Variants in FRS2 observed in about 807,000 individuals in gnomAD.
The protein encoded by FRS2 is FGFR signalling adaptor.
In FRS2, 8 loss-of-function variants were observed where a neutral mutation model predicts 43.9. That is an observed-to-expected ratio of 0.18 (90% CI 0.11 to 0.33). The LOEUF (loss-of-function observed/expected upper bound fraction) is 0.33, where lower values mean the gene tolerates loss of function less well. Among genes scored for constraint, FRS2 ranks in the 10% least tolerant of loss-of-function variants. The pLI is 1.00. For synonymous variants in FRS2, 219 were observed against 220.3 expected, an observed-to-expected ratio of 0.99 and a Z score of 0.05; for missense variants, 534 against 627.6, an observed-to-expected ratio of 0.85 and a Z score of 1.59.
intron 1 of FRS2, among the ~76,000 whole-genome samples, chr12:69,479,801 C>A (rs1055922796): frequency 3.3e-5 from 5 of 152,084 alleles, no homozygotes; most frequent in African/African-American, 1.2e-4. Context: ...ATTTATCGTG[C>A]TTGGTATTAA....
At chr12:69,531,933 CTG>C (rs1266683714) in intron 2 of FRS2, 79 bp from the exon 3 acceptor site, 2 of 152,714 alleles carry the variant, frequency 1.3e-5, no homozygotes, top group Middle Eastern at 3.4e-3. Context: ...TGAATGTACT[CTG>C]TTAGCATTTT....
chr12:69,536,115 T>TCA (rs1565755131), intron 3 of FRS2, among the ~76,000 whole-genome samples: 4 of 51,296 alleles, frequency 7.8e-5, no homozygotes, highest in African/African-American at 1.6e-4. Context: ...TTTTTTTTTT[T>TCA]TTTTTTTTTT....
Position 69,575,257 on chromosome 12 carries a change from G to A in FRS2, c.*302G>A, listed in dbSNP as rs1230587898. The A allele has an allele frequency of 6.1e-5, 19 of 309,208 alleles. No homozygotes were observed. The East Asian group carries it at 9.3e-4, about 15-fold the overall frequency. The allele number at this position is 309,208 out of a possible 1,614,324, so 19.2% of individuals were successfully genotyped here. On this transcript the variant is annotated 3_prime_UTR_variant, in exon 9 of 9. Coordinates refer to ENST00000549921, the MANE Select transcript of FRS2 (RefSeq NM_001278356.2). Reference sequence around the variant, plus strand: ...TTTTTATCAATATTCTGGACTTAACGCATACCTTTCATGTCTAAGTCATGG... The same window carrying A: ...TTTTTATCAATATTCTGGACTTAACACATACCTTTCATGTCTAAGTCATGG...
chr12:69,470,989 T>C (rs531444366), intron 1 of FRS2, among the ~76,000 whole-genome samples: 1 of 152,086 alleles, frequency 6.6e-6, no homozygotes, highest in Non-Finnish European at 1.5e-5. Flanking sequence ...GGGTGTCGTC[T>C]TTTCCCTCCA....
chr12:69,533,786 C>T (rs570463081), intron 3 of FRS2, among the ~76,000 whole-genome samples: 152 of 152,234 alleles, frequency 1.0e-3, no homozygotes, highest in African/African-American at 3.4e-3. Context: ...ATCCCCTCCC[C>T]GCCAAATTAT....
intron 3 of FRS2, among the ~76,000 whole-genome samples, chr12:69,555,487 TTTG>T (rs1206426494): frequency 6.6e-6 from 1 of 152,228 alleles, no homozygotes; most frequent in Non-Finnish European, 1.5e-5. Flanking sequence ...TGGTAAACTT[TTTG>T]TTGTTGGCAT....
At chr12:69,476,795 G>A (rs893551722) in intron 1 of FRS2, among the ~76,000 whole-genome samples, 46 of 151,982 alleles carry the variant, frequency 3.0e-4, no homozygotes, top group Admixed American at 5.9e-4. Flanking sequence ...TGCAAACCTA[G>A]CCTAGGTGAC....
chr12:69,557,476 T>C (rs919799552), intron 3 of FRS2, among the ~76,000 whole-genome samples: 17 of 152,172 alleles, frequency 1.1e-4, no homozygotes, highest in African/African-American at 4.1e-4. Flanking sequence ...TGGAGAGAGC[T>C]GTGTGATTGC....
chr12:69,531,400 C>A (rs1384583148), intron 2 of FRS2, among the ~76,000 whole-genome samples: 1 of 151,680 alleles, frequency 6.6e-6, no homozygotes, highest in Non-Finnish European at 1.5e-5. Context: ...AGTACAAATT[C>A]TACCATACAG....
At chr12:69,485,575 C>A (rs1381506199) in intron 1 of FRS2, among the ~76,000 whole-genome samples, 1 of 152,120 alleles carries the variant, frequency 6.6e-6, no homozygotes, top group Non-Finnish European at 1.5e-5. Flanking sequence ...CTCCACCTCC[C>A]AAGTTCAGGC....
intron 1 of FRS2, among the ~76,000 whole-genome samples, chr12:69,494,848 G>T (rs1041564243): frequency 6.6e-6 from 1 of 151,944 alleles, no homozygotes; most frequent in African/African-American, 2.4e-5. Context: ...CTCTCGGCTC[G>T]CTGCAACCTC....
At chr12:69,490,127 T>C (rs866876424) in intron 1 of FRS2, among the ~76,000 whole-genome samples, 2 of 152,184 alleles carry the variant, frequency 1.3e-5, no homozygotes, top group Non-Finnish European at 2.9e-5. Flanking sequence ...GTTACCGTTA[T>C]GTATTTTCCC....
intron 1 of FRS2, among the ~76,000 whole-genome samples, chr12:69,500,729 T>TA (rs2121088772): frequency 6.6e-6 from 1 of 152,308 alleles, no homozygotes; most frequent in African/African-American, 2.4e-5. Flanking sequence ...CACCCCTTTT[T>TA]AGATCCTACT....
chr12:69,536,293 T>A (rs901352945), intron 3 of FRS2, among the ~76,000 whole-genome samples: 1 of 151,686 alleles, frequency 6.6e-6, no homozygotes, highest in Non-Finnish European at 1.5e-5. Context: ...CCTGGCTAAT[T>A]TCTGTTTTTT....
chr12:69,546,224 A>G (rs1202767181), intron 3 of FRS2, among the ~76,000 whole-genome samples: 1 of 152,180 alleles, frequency 6.6e-6, no homozygotes, highest in Non-Finnish European at 1.5e-5. Flanking sequence ...CAAATCAGAA[A>G]TACAGTGAGA....
chr12:69,563,179 T>TG (rs1880005697), intron 4 of FRS2, among the ~76,000 whole-genome samples: 1 of 152,232 alleles, frequency 6.6e-6, no homozygotes, highest in South Asian at 2.1e-4. Context: ...AGCTCAGATG[T>TG]AGTCTTCAAA....
At chr12:69,479,404 T>C (rs975426106) in intron 1 of FRS2, among the ~76,000 whole-genome samples, 9 of 149,512 alleles carry the variant, frequency 6.0e-5, no homozygotes, top group South Asian at 4.2e-4. Flanking sequence ...TTTTTTTTTT[T>C]TTTCTTTTTT....
chr12:69,516,620 G>A (rs1772101051), intron 1 of FRS2, among the ~76,000 whole-genome samples: 3 of 152,176 alleles, frequency 2.0e-5, no homozygotes, highest in South Asian at 2.1e-4. Context: ...AAATATCCAT[G>A]AAATTAAAAG....
chr12:69,516,974 C>T (rs1302670465), intron 1 of FRS2, among the ~76,000 whole-genome samples: 1 of 152,146 alleles, frequency 6.6e-6, no homozygotes, highest in Non-Finnish European at 1.5e-5. Context: ...CTGAAATGCT[C>T]CAAAATTCAA....
Sources: gnomAD v4.1 joint callset for allele counts (sites outside exome capture counted in the v4.1 genomes callset) on GRCh38, gnomAD v4.1.1 for gene constraint, MANE v1.5 for transcripts, NCBI Gene and HGNC (gene_info 2026-07-23, HGNC 2026-07-21) for gene names.